The following CSN3 variants were observed in gnomAD, a reference collection of about 807,000 sequenced individuals.
The protein encoded by CSN3 is kappa-casein.
A neutral mutation model predicts 9.9 loss-of-function variants in CSN3; 7 were observed. That is an observed-to-expected ratio of 0.71 (90% CI 0.40 to 1.33). CSN3 has a LOEUF of 1.33. Among genes scored for constraint, CSN3 ranks in the 40% most tolerant of loss-of-function variants. CSN3 has a pLI of 0.01. For synonymous variants in CSN3, 88 were observed against 82.3 expected (o/e 1.07, Z -0.37); for missense variants, 253 against 227.9 (o/e 1.11, Z -0.71).
At chr4:70,247,463 A>G (rs559339649) in intron 2 of CSN3, among the ~76,000 whole-genome samples, 62 of 152,260 alleles carry the variant, frequency 4.1e-4, no homozygotes, top group African/African-American at 1.4e-3. Context: ...AATTTTTAAC[A>G]ATCTAACAAT....
intron 4 of CSN3, among the ~76,000 whole-genome samples, chr4:70,250,412 C>T (rs892592522): frequency 6.6e-5 from 10 of 152,074 alleles, no homozygotes; most frequent in Non-Finnish European, 1.3e-4. Context: ...CATCTGCTTG[C>T]CTAATGACCA....
chr4:70,243,810 T>A (rs1295774052), intron 1 of CSN3, among the ~76,000 whole-genome samples: 1 of 152,140 alleles, frequency 6.6e-6, no homozygotes, highest in African/African-American at 2.4e-5. Flanking sequence ...ATAAGGCTAA[T>A]GTATTTCTTT....
intron 2 of CSN3, 45 bp from the exon 3 acceptor site, chr4:70,247,772 CT>C: frequency 6.8e-7 from 1 of 1,474,652 alleles, no homozygotes; most frequent in Non-Finnish European, 9.2e-7. Flanking sequence ...CTTTTTTTTT[CT>C]TTTTTAACTT....
intron 2 of CSN3, among the ~76,000 whole-genome samples, chr4:70,246,680 T>TTTG (rs1185156864): frequency 1.3e-5 from 2 of 150,282 alleles, no homozygotes; most frequent in Non-Finnish European, 3.0e-5. Context: ...TCTTTTTTTT[T>TTTG]TTTTTTTTTG....
At chr4:70,242,297 T>G (rs1730288538), upstream of CSN3, among the ~76,000 whole-genome samples, 1 of 118,784 alleles carries the variant, frequency 8.4e-6, no homozygotes, top group South Asian at 3.5e-4. Context: ...TATTTTATTT[T>G]ATTTTATTTT....
At chr4:70,247,061 C>A (rs1446908112) in intron 2 of CSN3, among the ~76,000 whole-genome samples, 1 of 152,090 alleles carries the variant, frequency 6.6e-6, no homozygotes, top group East Asian at 1.9e-4. Context: ...TTATTACCTT[C>A]TCAATTTTCT....
intron 1 of CSN3, 78 bp from the exon 2 acceptor site, chr4:70,244,734 A>T: frequency 2.8e-6 from 2 of 714,394 alleles, no homozygotes; most frequent in Non-Finnish European, 4.0e-6. Flanking sequence ...TTAATCAAGG[A>T]AACATTGTAT....
exon 4 of CSN3, chr4:70,249,370 A>T: frequency 6.2e-7 from 1 of 1,614,140 alleles, no homozygotes; most frequent in Non-Finnish European, 8.5e-7. Context: ...AACGGTGGAC[A>T]GTGTAGTCAC....
chr4:70,240,206 TG>T (rs1242904531), upstream of CSN3, among the ~76,000 whole-genome samples: 39 of 152,136 alleles, frequency 2.6e-4, no homozygotes, highest in African/African-American at 8.9e-4. Flanking sequence ...AGAGTGTATA[TG>T]AGTCAATAAT....
intron 2 of CSN3, among the ~76,000 whole-genome samples, chr4:70,247,212 G>A (rs1315607143): frequency 2.0e-5 from 3 of 151,898 alleles, no homozygotes; most frequent in Non-Finnish European, 1.5e-5. Context: ...TAAAAGCTTT[G>A]GAGTTTTTAG....
intron 2 of CSN3, 40 bp downstream of exon 2, chr4:70,244,913 G>A: frequency 7.5e-7 from 1 of 1,340,288 alleles, no homozygotes; most frequent in Non-Finnish European, 1.0e-6. Flanking sequence ...CTGACTTTAA[G>A]AAAATTTTGT....
chr4:70,246,370 C>T (rs2109696478), intron 2 of CSN3, among the ~76,000 whole-genome samples: 1 of 151,964 alleles, frequency 6.6e-6, no homozygotes, highest in Non-Finnish European at 1.5e-5. Context: ...TTAAAAAGGC[C>T]ACTGGTATAC....
chr4:70,239,244 A>G (rs1356886468), upstream of CSN3, among the ~76,000 whole-genome samples: 6 of 151,834 alleles, frequency 4.0e-5, no homozygotes, highest in Non-Finnish European at 8.8e-5. Flanking sequence ...AGGAAAAGTC[A>G]AAAAGTTTTA....
chr4:70,238,496 C>T (rs1173533525), upstream of CSN3, among the ~76,000 whole-genome samples: 3 of 151,744 alleles, frequency 2.0e-5, no homozygotes, highest in Non-Finnish European at 2.9e-5. Flanking sequence ...TAGAAACAGT[C>T]CCTAGCAAAA....
chr4:70,240,873 A>C (rs970888894), upstream of CSN3, among the ~76,000 whole-genome samples: 5 of 151,928 alleles, frequency 3.3e-5, no homozygotes, highest in African/African-American at 1.2e-4. Flanking sequence ...AATAATGTAC[A>C]GTTTTGCAAA....
At chr4:70,249,100 C>A (rs766359192) in exon 4 of CSN3, 1 of 1,613,796 alleles carries the variant, frequency 6.2e-7, no homozygotes. Context: ...CAATTTGTAC[C>A]AACGTAGACC....
intron 2 of CSN3, among the ~76,000 whole-genome samples, chr4:70,246,304 A>G (rs968717111): frequency 7.9e-5 from 12 of 152,172 alleles, no homozygotes; most frequent in African/African-American, 2.7e-4. Flanking sequence ...CATAATTTCT[A>G]TCAAAGAATC....
exon 4 of CSN3, chr4:70,249,046 G>A: frequency 1.2e-6 from 2 of 1,612,990 alleles, no homozygotes; most frequent in Non-Finnish European, 1.7e-6. Flanking sequence ...AGCTCCATAT[G>A]TCCCAATGTA....
chr4:70,238,830 C>T (rs142819549), upstream of CSN3, among the ~76,000 whole-genome samples: 63 of 151,810 alleles, frequency 4.1e-4, no homozygotes, highest in African/African-American at 1.4e-3. Context: ...CACCAGATGG[C>T]CCCTGAGCCA....
Sources: allele counts gnomAD v4.1 joint callset (sites outside exome capture counted in the v4.1 genomes callset), GRCh38; gene constraint gnomAD v4.1.1; transcripts MANE v1.5; gene names NCBI Gene and HGNC (gene_info 2026-07-23, HGNC 2026-07-21).